The following SCRG1 variants were observed in gnomAD, a reference collection of about 807,000 sequenced individuals.
The protein encoded by SCRG1 is stimulator of chondrogenesis 1.
A neutral mutation model predicts 7.7 loss-of-function variants in SCRG1; 3 were observed. The ratio of observed to expected loss-of-function variants is 0.39; its 90% CI spans 0.18 to 1.01. SCRG1 has a LOEUF of 1.01. SCRG1 is among the 50% of genes least tolerant of loss of function. The probability of loss-of-function intolerance (pLI) is 0.36; values close to 1 mark genes in which losing one functional copy is unlikely to be tolerated. For synonymous variants in SCRG1, 46 were observed against 41.2 expected (o/e 1.12, Z -0.44); for missense variants, 110 against 117.2 (o/e 0.94, Z 0.28).
the SCRG1 span, among the ~76,000 whole-genome samples, chr4:173,514,570 A>G: frequency 6.6e-6 from 1 of 152,138 alleles, no homozygotes; most frequent in African/African-American, 2.4e-5. Flanking sequence ...AATGATGTAA[A>G]CTCTTTTCAT....
chr4:173,430,150 C>T, the SCRG1 span, among the ~76,000 whole-genome samples: 6 of 152,064 alleles, frequency 3.9e-5, no homozygotes, highest in South Asian at 4.2e-4. Context: ...ATCTGTGAAG[C>T]GGGGGAACTG....
chr4:173,403,139 T>C (rs948415834), upstream of SCRG1: 1 of 152,214 alleles, frequency 6.6e-6, no homozygotes, highest in Non-Finnish European at 1.5e-5. Flanking sequence ...CTTAGCTTTA[T>C]GTTGCTGAAG....
At chr4:173,411,182 C>T (rs549448987), upstream of SCRG1, among the ~76,000 whole-genome samples, 1 of 152,320 alleles carries the variant, frequency 6.6e-6, no homozygotes, top group East Asian at 1.9e-4. Flanking sequence ...TAGAACTGTG[C>T]CAGGCACCGT....
Position 173,388,291 on chromosome 4 carries a change from G to T in SCRG1, c.*50C>A. 7.8e-7 allele frequency: 1 copy of T among 1,284,934 alleles called. No individual in the cohort carries two copies. Among genetic ancestry groups the T allele is most frequent in the Non-Finnish European group, 1.1e-6 (1 of 886,116 alleles). 79.6% of individuals were successfully genotyped at this position (1,284,934 alleles called of 1,614,324 possible). ...AGAAATGCAGTTATACTGATGTAGTGCAGTTTGTGGGAAATCAGGAATGGT... is the reference window on the plus strand; with the variant it reads ...AGAAATGCAGTTATACTGATGTAGTTCAGTTTGTGGGAAATCAGGAATGGT... On this transcript the variant is annotated 3_prime_UTR_variant, in exon 3 of 3. Transcript: ENST00000296506.
the SCRG1 span, among the ~76,000 whole-genome samples, chr4:173,436,193 C>T: frequency 6.6e-6 from 1 of 152,294 alleles, no homozygotes; most frequent in South Asian, 2.1e-4. Flanking sequence ...ACTTAGTGTT[C>T]TGGATTTGAT....
the SCRG1 span, among the ~76,000 whole-genome samples, chr4:173,433,317 A>G: frequency 6.6e-6 from 1 of 152,206 alleles, no homozygotes; most frequent in South Asian, 2.1e-4. Context: ...TAATATACTA[A>G]TAGACTTTGT....
the SCRG1 span, among the ~76,000 whole-genome samples, chr4:173,479,193 C>T: frequency 2.0e-5 from 3 of 152,126 alleles, no homozygotes; most frequent in South Asian, 6.2e-4. Flanking sequence ...GACTCCTGCA[C>T]AGAACTCTGG....
upstream of SCRG1, among the ~76,000 whole-genome samples, chr4:173,410,925 A>G (rs1303738505): frequency 6.6e-6 from 1 of 152,198 alleles, no homozygotes; most frequent in East Asian, 1.9e-4. Context: ...ACCCACCCAT[A>G]TAGTTGTTTG....
At chr4:173,400,824 G>A (rs1443023366), upstream of SCRG1, among the ~76,000 whole-genome samples, 4 of 152,126 alleles carry the variant, frequency 2.6e-5, no homozygotes, top group Non-Finnish European at 5.9e-5. Context: ...TGTTTCTAGT[G>A]TCTTTGTTTC....
the SCRG1 span, among the ~76,000 whole-genome samples, chr4:173,497,516 G>A: frequency 2.0e-5 from 3 of 152,086 alleles, no homozygotes; most frequent in South Asian, 6.2e-4. Context: ...CAGCCAGACA[G>A]CATTAATTGG....
the SCRG1 span, among the ~76,000 whole-genome samples, chr4:173,508,075 C>T: frequency 1.3e-5 from 2 of 152,318 alleles, no homozygotes; most frequent in African/African-American, 4.8e-5. This position sits in a 1 kb window ranked among gnomAD's most constrained non-coding sequence, Gnocchi z 4.4. Flanking sequence ...GAGGGGCAAG[C>T]TGGCAGTGCC....
chr4:173,423,630 A>G, the SCRG1 span, among the ~76,000 whole-genome samples: 4 of 152,080 alleles, frequency 2.6e-5, no homozygotes, highest in Admixed American at 2.0e-4. Context: ...TTCATATACT[A>G]TAATTCTCTT....
chr4:173,514,821 CTT>C, the SCRG1 span, among the ~76,000 whole-genome samples: 1 of 152,198 alleles, frequency 6.6e-6, no homozygotes, highest in Admixed American at 6.5e-5. Flanking sequence ...TAATAAACAA[CTT>C]AAGCCACTCT....
At chr4:173,518,310 G>A in the SCRG1 span, among the ~76,000 whole-genome samples, 295 of 152,286 alleles carry the variant, frequency 1.9e-3, 1 homozygote, top group Non-Finnish European at 2.9e-3. Context: ...GGATACCTAG[G>A]GTGGGGGACA....
the SCRG1 span, among the ~76,000 whole-genome samples, chr4:173,505,760 C>T: frequency 6.6e-6 from 1 of 152,256 alleles, no homozygotes; most frequent in South Asian, 2.1e-4. This position sits in a 1 kb window ranked among gnomAD's most constrained non-coding sequence, Gnocchi z 4.4. Context: ...AGAAAGAAGG[C>T]GTGAAGCAAC....
At chr4:173,496,513 A>G in the SCRG1 span, among the ~76,000 whole-genome samples, 2 of 152,190 alleles carry the variant, frequency 1.3e-5, no homozygotes, top group Non-Finnish European at 2.9e-5. Context: ...AACTAAATAC[A>G]TCTATGTGGA....
At chr4:173,434,912 A>T in the SCRG1 span, among the ~76,000 whole-genome samples, 1 of 152,150 alleles carries the variant, frequency 6.6e-6, no homozygotes, top group African/African-American at 2.4e-5. Context: ...TCATCTGGGG[A>T]GCACTAAAAC....
chr4:173,483,455 TATATATTATATATTATATTCTGATATATA>T, the SCRG1 span, among the ~76,000 whole-genome samples: 8 of 5,986 alleles, frequency 1.3e-3, 3 homozygotes, highest in Non-Finnish European at 2.9e-3. Context: ...TATATCATGA[TATATATTATATATTATATTCTGATATATA>T]ATATATTATA....
the SCRG1 span, among the ~76,000 whole-genome samples, chr4:173,464,603 AG>A: frequency 6.6e-6 from 1 of 152,218 alleles, no homozygotes; most frequent in Non-Finnish European, 1.5e-5. Context: ...AGTGTTGCTG[AG>A]GATATGGAGA....
Sources: gnomAD v4.1 joint callset for allele counts (sites outside exome capture counted in the v4.1 genomes callset) on GRCh38, gnomAD v4.1.1 for gene constraint, Gnocchi (gnomAD v3.1) non-coding constraint, MANE v1.5 for transcripts, NCBI Gene and HGNC (gene_info 2026-07-23, HGNC 2026-07-21) for gene names.